Variants in KCNMB2 observed in about 807,000 individuals in gnomAD.
The protein encoded by KCNMB2 is calcium-activated potassium channel subunit beta-2.
Under a neutral mutation model 24.5 loss-of-function variants are expected in KCNMB2, and 9 were observed. The ratio of observed to expected loss-of-function variants is 0.37; its 90% CI spans 0.22 to 0.64. The LOEUF is 0.64. Ranked by LOEUF, KCNMB2 falls within the 30% of genes least tolerant of loss-of-function variation. The pLI, the probability that KCNMB2 is intolerant of heterozygous loss-of-function variation, is 0.63. For missense variants in KCNMB2, 226 were observed against 284.3 expected (o/e 0.79, Z 1.47); for synonymous variants, 109 against 104.4 (o/e 1.04, Z -0.27).
At chr3:178,629,772 G>T (rs1577060427) in intron 1 of KCNMB2, among the ~76,000 whole-genome samples, 2 of 152,164 alleles carry the variant, frequency 1.3e-5, no homozygotes, top group African/African-American at 4.8e-5. Flanking sequence ...GTAAGTTTGT[G>T]CTCATGGAAA....
At chr3:178,770,440 G>A (rs560922991) in intron 1 of KCNMB2, among the ~76,000 whole-genome samples, 1 of 152,360 alleles carries the variant, frequency 6.6e-6, no homozygotes, top group East Asian at 1.9e-4. Context: ...CAGGTTTGGA[G>A]TGAACAGAAG....
chr3:178,656,860 C>T (rs1450406022), intron 1 of KCNMB2, among the ~76,000 whole-genome samples: 3 of 151,984 alleles, frequency 2.0e-5, no homozygotes, highest in African/African-American at 4.8e-5. Flanking sequence ...CATATTACCA[C>T]GATTAAAACA....
chr3:178,561,773 T>G (rs924721967), intron 1 of KCNMB2, among the ~76,000 whole-genome samples: 1 of 152,174 alleles, frequency 6.6e-6, no homozygotes, highest in Admixed American at 6.6e-5. Flanking sequence ...GCAACTATAG[T>G]GTATGTGCAA....
intron 1 of KCNMB2, among the ~76,000 whole-genome samples, chr3:178,726,255 T>C (rs1051675805): frequency 1.3e-5 from 2 of 151,942 alleles, no homozygotes; most frequent in Non-Finnish European, 2.9e-5. Flanking sequence ...ATATATGACA[T>C]CTGCACATAC....
At chr3:178,578,144 G>A (rs56298721) in intron 1 of KCNMB2, among the ~76,000 whole-genome samples, 36,725 of 152,098 alleles carry the variant, frequency 0.24, 5,139 homozygotes, top group East Asian at 0.4. Context: ...TTGGGTTACC[G>A]ACAAAGAGAA....
At chr3:178,782,208 G>A (rs1296469762) in intron 1 of KCNMB2, among the ~76,000 whole-genome samples, 23 of 117,212 alleles carry the variant, frequency 2.0e-4, no homozygotes, top group Non-Finnish European at 3.6e-4. Context: ...CATTTGGGTT[G>A]GTTCCAAGTC....
chr3:178,777,986 T>C (rs1415256434), intron 1 of KCNMB2, among the ~76,000 whole-genome samples: 5 of 152,192 alleles, frequency 3.3e-5, no homozygotes, highest in Admixed American at 3.3e-4. Context: ...TCTAGACAAA[T>C]GCTCTCAAGT....
intron 1 of KCNMB2, among the ~76,000 whole-genome samples, chr3:178,708,021 T>C (rs893066780): frequency 6.6e-6 from 1 of 152,180 alleles, no homozygotes; most frequent in African/African-American, 2.4e-5. Context: ...TCACTTCCAG[T>C]TTGGAGCTGA....
chr3:178,652,664 C>CTT (rs3052276), intron 1 of KCNMB2, among the ~76,000 whole-genome samples: 22,552 of 136,900 alleles, frequency 0.16, 2,078 homozygotes, highest in Admixed American at 0.21. Flanking sequence ...TCTCTATATA[C>CTT]TTTTTTTTTT....
chr3:178,614,097 G>C (rs1718593494), intron 1 of KCNMB2, among the ~76,000 whole-genome samples: 1 of 149,134 alleles, frequency 6.7e-6, no homozygotes, highest in Admixed American at 6.7e-5. Flanking sequence ...AAAGAATCTA[G>C]TGCATTCATT....
chr3:178,798,176 A>G (rs1713629142), intron 1 of KCNMB2, among the ~76,000 whole-genome samples: 1 of 152,102 alleles, frequency 6.6e-6, no homozygotes. Flanking sequence ...ACTATGTTGA[A>G]TAGGAGTGGT....
chr3:178,778,460 A>ACACGCACGCACGCGCGCG (rs879860042), intron 1 of KCNMB2, among the ~76,000 whole-genome samples: 1 of 48,010 alleles, frequency 2.1e-5, no homozygotes, highest in African/African-American at 1.3e-4. Flanking sequence ...TTTAAGACAC[A>ACACGCACGCACGCGCGCG]CACACACACA....
chr3:178,593,857 TTTACC>T (rs901703006), intron 1 of KCNMB2, among the ~76,000 whole-genome samples: 1 of 149,840 alleles, frequency 6.7e-6, no homozygotes, highest in African/African-American at 2.5e-5. Context: ...TTGGCTACTC[TTTACC>T]TATTGTATAA....
At chr3:178,644,791 A>T (rs570790269) in intron 1 of KCNMB2, among the ~76,000 whole-genome samples, 62 of 152,300 alleles carry the variant, frequency 4.1e-4, no homozygotes, top group African/African-American at 1.5e-3. Context: ...TCTCAGTATG[A>T]ACCAAAGCTC....
chr3:178,686,751 T>G (rs1721486148), intron 1 of KCNMB2, among the ~76,000 whole-genome samples: 1 of 152,144 alleles, frequency 6.6e-6, no homozygotes, highest in Admixed American at 6.5e-5. Context: ...TTAAAAAACT[T>G]TCGCGACACC....
At chr3:178,661,985 G>A (rs890631213) in intron 1 of KCNMB2, among the ~76,000 whole-genome samples, 10 of 152,052 alleles carry the variant, frequency 6.6e-5, no homozygotes, top group African/African-American at 2.4e-4. Context: ...ATGAATCAAG[G>A]AGACAATAGA....
chr3:178,777,700 CA>C (rs1342954903), intron 1 of KCNMB2, among the ~76,000 whole-genome samples: 1 of 151,990 alleles, frequency 6.6e-6, no homozygotes, highest in African/African-American at 2.4e-5. Flanking sequence ...AGAAATTGAT[CA>C]AAAAAATGCA....
chr3:178,770,413 A>G (rs1346427581), intron 1 of KCNMB2, among the ~76,000 whole-genome samples: 1 of 152,264 alleles, frequency 6.6e-6, no homozygotes, highest in Non-Finnish European at 1.5e-5. Flanking sequence ...CAAAATGCTG[A>G]TCAAGAGGGA....
chr3:178,734,005 GT>G (rs1559994628), intron 1 of KCNMB2, among the ~76,000 whole-genome samples: 1 of 152,184 alleles, frequency 6.6e-6, no homozygotes, highest in East Asian at 1.9e-4. Context: ...CCAGTTGGAT[GT>G]GGGATATGAG....
Sources: allele counts gnomAD v4.1 joint callset (sites outside exome capture counted in the v4.1 genomes callset), GRCh38; gene constraint gnomAD v4.1.1; transcripts MANE v1.5; gene names NCBI Gene and HGNC (gene_info 2026-07-23, HGNC 2026-07-21).